Variants in LOC730098 observed in about 807,000 individuals in gnomAD.
chr9:34,665,603 C>T, the LOC730098 span: 2 of 701,194 alleles, frequency 2.9e-6, no homozygotes, highest in Non-Finnish European at 5.2e-6. Context: ...CAGAACCCGC[C>T]TCCACTCACT....
At chr9:34,666,044 A>G in the LOC730098 span, 1 of 307,120 alleles carries the variant, frequency 3.3e-6, no homozygotes, top group Non-Finnish European at 6.2e-6. Flanking sequence ...CACCCCGGAA[A>G]CGGACCGTTA....
the LOC730098 span, chr9:34,665,735 G>C: frequency 2.0e-5 from 14 of 698,014 alleles, no homozygotes; most frequent in Admixed American, 6.0e-5. Flanking sequence ...CCCCTTCTCC[G>C]TCATTCTCAG....
chr9:34,664,239 G>A, the LOC730098 span: 1 of 152,404 alleles, frequency 6.6e-6, no homozygotes, highest in Admixed American at 6.5e-5. Context: ...TCGGAAGGCA[G>A]AAAACAAATG....
At chr9:34,665,496 C>T in the LOC730098 span, 1 of 697,436 alleles carries the variant, frequency 1.4e-6, no homozygotes, top group South Asian at 1.5e-5. Flanking sequence ...AAGCGGCTCC[C>T]TTCGCGCCCA....
At chr9:34,664,193 T>C in the LOC730098 span, 3 of 152,254 alleles carry the variant, frequency 2.0e-5, no homozygotes, top group Non-Finnish European at 4.4e-5. Flanking sequence ...GCTACATACT[T>C]TCTGGTCTTC....
At chr9:34,665,749 G>A in the LOC730098 span, 18 of 692,758 alleles carry the variant, frequency 2.6e-5, no homozygotes, top group Admixed American at 1.4e-4. Flanking sequence ...TTCTCAGGAC[G>A]AGGCTGCCCA....
the LOC730098 span, chr9:34,665,307 T>G: frequency 1.1e-5 from 8 of 700,250 alleles, no homozygotes; most frequent in African/African-American, 1.1e-4. Flanking sequence ...TATCGCAGCC[T>G]CCTCACCTCC....
the LOC730098 span, chr9:34,665,706 G>A: frequency 8.6e-6 from 6 of 700,564 alleles, no homozygotes; most frequent in Non-Finnish European, 1.3e-5. Flanking sequence ...ATTGAATCAG[G>A]GATTCCCTAG....
the LOC730098 span, chr9:34,664,676 C>A: frequency 2.1e-5 from 4 of 188,050 alleles, no homozygotes; most frequent in Non-Finnish European, 3.3e-5. Flanking sequence ...CCCCTCTTAC[C>A]ATTTACAGCC....
the LOC730098 span, chr9:34,664,502 C>T: frequency 6.6e-6 from 1 of 152,528 alleles, no homozygotes; most frequent in Non-Finnish European, 1.5e-5. Context: ...AGAGCAGTGG[C>T]CCTTGGACTC....
the LOC730098 span, chr9:34,665,275 C>T: frequency 4.3e-6 from 3 of 701,898 alleles, no homozygotes; most frequent in Non-Finnish European, 7.8e-6. Flanking sequence ...GAGTCCCGTC[C>T]ATGCCCGGGG....
chr9:34,665,671 C>T, the LOC730098 span: 1 of 701,104 alleles, frequency 1.4e-6, no homozygotes. Flanking sequence ...TCCTGGGCTC[C>T]GAACGTCTCC....
chr9:34,665,413 C>T, the LOC730098 span: 1 of 450,628 alleles, frequency 2.2e-6, no homozygotes, highest in Non-Finnish European at 4.4e-6. Context: ...CGGGGCGGGG[C>T]GGGGAGGAGC....
chr9:34,665,197 G>T, the LOC730098 span: 2 of 653,718 alleles, frequency 3.1e-6, no homozygotes, highest in Non-Finnish European at 5.6e-6. Context: ...CGAGCTGTGG[G>T]GCGACCCGAC....
chr9:34,665,627 C>T, the LOC730098 span: 1 of 701,514 alleles, frequency 1.4e-6, no homozygotes, highest in Non-Finnish European at 2.6e-6. Context: ...CCTCCGCCTC[C>T]AGCGCCACCT....
the LOC730098 span, chr9:34,665,554 C>T: frequency 1.4e-6 from 1 of 695,702 alleles, no homozygotes; most frequent in Non-Finnish European, 2.6e-6. Flanking sequence ...CGCAGAACTC[C>T]ACCCTCCCCC....
At chr9:34,665,988 G>C in the LOC730098 span, 55 of 431,332 alleles carry the variant, frequency 1.3e-4, 1 homozygote, top group African/African-American at 8.5e-4. Context: ...CTGGAGGGGG[G>C]GCTGAGAGGG....
chr9:34,665,498 T>G, the LOC730098 span: 20 of 697,358 alleles, frequency 2.9e-5, no homozygotes, highest in Non-Finnish European at 4.7e-5. Context: ...GCGGCTCCCT[T>G]CGCGCCCACG....
the LOC730098 span, chr9:34,665,295 G>A: frequency 1.4e-6 from 1 of 702,316 alleles, no homozygotes; most frequent in South Asian, 1.5e-5. Context: ...GCGGGTCCGC[G>A]GTATCGCAGC....
Sources: allele counts gnomAD v4.1 joint callset, GRCh38; gene constraint gnomAD v4.1.1; transcripts MANE v1.5.